The following ACBD6 variants were observed in gnomAD, a reference collection of about 807,000 sequenced individuals.
ACBD6 encodes the protein acyl-CoA binding domain containing 6, also known as acyl-CoA-binding domain-containing protein 6.
A neutral mutation model predicts 37.2 loss-of-function variants in ACBD6; 28 were observed. That is an observed-to-expected ratio of 0.75 (90% confidence interval 0.56 to 1.03). The LOEUF (loss-of-function observed/expected upper bound fraction) is 1.03. Ranked by LOEUF, ACBD6 falls within the 50% of genes least tolerant of loss-of-function variation. ACBD6 has a pLI of 0.00. For synonymous variants in ACBD6, 113 were observed against 126.8 expected, an observed-to-expected ratio of 0.89 and a Z score of 0.73; for missense variants, 340 against 337.4, an observed-to-expected ratio of 1.01 and a Z score of -0.06.
intron 6 of ACBD6, among the ~76,000 whole-genome samples, chr1:180,330,837 G>A (rs1333181901): frequency 6.6e-6 from 1 of 152,220 alleles, no homozygotes; most frequent in Non-Finnish European, 1.5e-5. Context: ...TGAACCTAAA[G>A]AATGGATAAT....
intron 3 of ACBD6, among the ~76,000 whole-genome samples, chr1:180,451,167 G>A (rs554076801): frequency 3.3e-5 from 5 of 152,154 alleles, no homozygotes; most frequent in Non-Finnish European, 1.5e-5. Context: ...AATATCATCA[G>A]TCATCAGGGA....
chr1:180,386,339 ATGT>A (rs1219087032), intron 6 of ACBD6, among the ~76,000 whole-genome samples: 6 of 152,186 alleles, frequency 3.9e-5, no homozygotes, highest in East Asian at 1.9e-4. Context: ...ACTGCTTTCA[ATGT>A]TGTTGTTGTT....
chr1:180,270,977 G>A (rs535760421), exon 14 of ACBD6: 146 of 308,456 alleles, frequency 4.7e-4, no homozygotes, highest in Non-Finnish European at 8.0e-4. Context: ...CATCTGGGGC[G>A]ACTTTGAACA....
intron 3 of ACBD6, among the ~76,000 whole-genome samples, chr1:180,454,221 C>T (rs568246781): frequency 1.5e-4 from 23 of 152,246 alleles, no homozygotes; most frequent in South Asian, 4.2e-4. Flanking sequence ...AATAACACCA[C>T]GTATCTACAA....
At chr1:180,460,399 C>G (rs1482916298) in intron 3 of ACBD6, among the ~76,000 whole-genome samples, 11 of 152,044 alleles carry the variant, frequency 7.2e-5, no homozygotes, top group Admixed American at 4.6e-4. Flanking sequence ...TACCCCAGCA[C>G]AGCATGGCTG....
intron 6 of ACBD6, among the ~76,000 whole-genome samples, chr1:180,337,054 C>T (rs1651752341): frequency 1.3e-5 from 2 of 152,190 alleles, no homozygotes; most frequent in African/African-American, 2.4e-5. Flanking sequence ...CAGACATTCA[C>T]AGCCGAATTC....
chr1:180,314,655 T>G (rs199741232), intron 7 of ACBD6, 37 bp downstream of exon 7: 2 of 1,470,080 alleles, frequency 1.4e-6, no homozygotes, highest in African/African-American at 2.8e-5. Context: ...GAGAATATGT[T>G]CAAATATGAT....
At chr1:180,434,371 C>T (rs1648936626) in intron 3 of ACBD6, among the ~76,000 whole-genome samples, 1 of 152,184 alleles carries the variant, frequency 6.6e-6, no homozygotes, top group African/African-American at 2.4e-5. Flanking sequence ...CCTGCAAAGC[C>T]ATCTCTTAAA....
intron 7 of ACBD6, among the ~76,000 whole-genome samples, chr1:180,299,075 T>C (rs1340811397): frequency 1.3e-5 from 2 of 152,236 alleles, no homozygotes; most frequent in Admixed American, 6.5e-5. Context: ...GCTGAACTAC[T>C]TGAGTATATG....
chr1:180,460,041 T>C (rs925743516), intron 3 of ACBD6, among the ~76,000 whole-genome samples: 3 of 150,612 alleles, frequency 2.0e-5, no homozygotes, highest in Non-Finnish European at 2.9e-5. Context: ...GCAGCTTTGT[T>C]ACATATGTAT....
At chr1:180,325,831 A>G (rs1651241573) in intron 6 of ACBD6, among the ~76,000 whole-genome samples, 1 of 152,222 alleles carries the variant, frequency 6.6e-6, no homozygotes, top group Admixed American at 6.5e-5. Context: ...TATCTGGATT[A>G]TCAGACAGAG....
intron 5 of ACBD6, 58 bp from the exon 6 acceptor site, chr1:180,397,663 TA>T: frequency 7.4e-7 from 1 of 1,358,846 alleles, no homozygotes; most frequent in Non-Finnish European, 1.1e-6. Context: ...ATGTAAAAGA[TA>T]TAATGTTTTA....
chr1:180,416,032 A>G (rs897917749), intron 4 of ACBD6, among the ~76,000 whole-genome samples: 1 of 152,226 alleles, frequency 6.6e-6, no homozygotes, highest in East Asian at 1.9e-4. Context: ...TTAAATACCA[A>G]AAAGAGAAGT....
At chr1:180,454,760 T>A (rs550406215) in intron 3 of ACBD6, among the ~76,000 whole-genome samples, 3 of 151,932 alleles carry the variant, frequency 2.0e-5, no homozygotes, top group Non-Finnish European at 2.9e-5. Flanking sequence ...CCAACAAACA[T>A]ATGAAAAAAA....
At chr1:180,496,600 C>A (rs565767649) in intron 1 of ACBD6, among the ~76,000 whole-genome samples, 218 of 152,296 alleles carry the variant, frequency 1.4e-3, no homozygotes, top group Non-Finnish European at 2.5e-3. Flanking sequence ...GCTGCACGAC[C>A]TTCCAGTTCT....
downstream of ACBD6, chr1:180,288,151 T>C: frequency 1.7e-6 from 1 of 594,662 alleles, no homozygotes; most frequent in Non-Finnish European, 2.9e-6. Context: ...GATTATATTA[T>C]GCACAGTACA....
chr1:180,312,067 C>T (rs1650615185), intron 7 of ACBD6, among the ~76,000 whole-genome samples: 1 of 152,100 alleles, frequency 6.6e-6, no homozygotes, highest in South Asian at 2.1e-4. Context: ...ATTCCTGGCT[C>T]CTTTATCTTC....
intron 3 of ACBD6, among the ~76,000 whole-genome samples, chr1:180,483,525 C>T (rs538419973): frequency 9.9e-5 from 15 of 152,072 alleles, no homozygotes; most frequent in Non-Finnish European, 1.9e-4. Context: ...GCCCCTAGAA[C>T]TACAACTTGC....
chr1:180,379,564 A>G (rs1653564283), intron 6 of ACBD6, among the ~76,000 whole-genome samples: 1 of 152,170 alleles, frequency 6.6e-6, no homozygotes. Flanking sequence ...AATAAAAAAG[A>G]ACTAAACAGA....
Sources: gnomAD v4.1 joint callset for allele counts (sites outside exome capture counted in the v4.1 genomes callset) on GRCh38, gnomAD v4.1.1 for gene constraint, MANE v1.5 for transcripts, NCBI Gene and HGNC (gene_info 2026-07-23, HGNC 2026-07-21) for gene names.